The following ATF7IP variants were observed in gnomAD, a reference collection of about 807,000 sequenced individuals.
The protein encoded by ATF7IP is activating transcription factor 7 interacting protein, also known as activating transcription factor 7-interacting protein 1.
Under a neutral mutation model 106.4 loss-of-function variants are expected in ATF7IP, and 23 were observed. The ratio of observed to expected loss-of-function variants is 0.22; its 90% CI spans 0.16 to 0.31. ATF7IP has a LOEUF of 0.31. ATF7IP is among the 10% of genes least tolerant of loss of function. ATF7IP has a pLI of 1.00. For missense variants in ATF7IP, 1,334 were observed against 1,524.3 expected, an observed-to-expected ratio of 0.88 and a Z score of 2.08; for synonymous variants, 542 against 539.0, an observed-to-expected ratio of 1.01 and a Z score of -0.08.
chr12:14,488,458 C>T (rs1944699650), intron 13 of ATF7IP, among the ~76,000 whole-genome samples: 1 of 152,112 alleles, frequency 6.6e-6, no homozygotes, highest in African/African-American at 2.4e-5. Flanking sequence ...CTCTCCTTTT[C>T]ACGTTTTTCT....
At chr12:14,436,296 A>T in intron 4 of ATF7IP, 45 bp downstream of exon 4, 1 of 1,513,440 alleles carries the variant, frequency 6.6e-7, no homozygotes. Context: ...AATAAATAGC[A>T]CCACTATCTT....
At chr12:14,399,193 T>C (rs1290147493) in intron 1 of ATF7IP, among the ~76,000 whole-genome samples, 3 of 152,174 alleles carry the variant, frequency 2.0e-5, no homozygotes, top group Non-Finnish European at 2.9e-5. Context: ...TACTTATATT[T>C]ATATATAATC....
chr12:14,382,567 A>G (rs1939042480), intron 1 of ATF7IP, among the ~76,000 whole-genome samples: 1 of 152,214 alleles, frequency 6.6e-6, no homozygotes, highest in Non-Finnish European at 1.5e-5. Context: ...AGATGTTTTT[A>G]GGCCAAGACT....
In ATF7IP at chr12:14,446,989, C is replaced by G; in HGVS notation, c.1931C>G (p.Ala644Gly). ...RHKTVLTELQ[A>G]KIARLTKRFE... is the part of the protein sequence containing the mutation. ...TTTTGTCTTTTTTTTTTTTTTCAGG[C>G]CAAGATAGCCAGGTTAACCAAACGC... The change falls in exon 6 of 15, where the codon GCC (alanine) becomes GGC (glycine). Residue 644 changes from alanine to glycine, a missense_variant and splice_region_variant. Transcript: ENST00000261168. 1 of 1,477,464 alleles carries G rather than the reference C, an allele frequency of 6.8e-7. No homozygotes were observed. Among genetic ancestry groups the G allele is most frequent in the Non-Finnish European group, 9.0e-7 (1 of 1,111,348 alleles). 91.5% of individuals were successfully genotyped at this position (1,477,464 alleles called of 1,614,324 possible).
At chr12:14,476,132 G>C in intron 11 of ATF7IP, 164 bp downstream of exon 11, 1 of 587,022 alleles carries the variant, frequency 1.7e-6, no homozygotes. Context: ...AATTTGGCCA[G>C]GTGCAGTGTC....
At chr12:14,429,001 C>G (rs1273815842) in intron 2 of ATF7IP, among the ~76,000 whole-genome samples, 1 of 152,146 alleles carries the variant, frequency 6.6e-6, no homozygotes, top group East Asian at 1.9e-4. Context: ...TGGGAAAGTT[C>G]AAACACTAGA....
chr12:14,446,927 T>A (rs1055129060), intron 5 of ATF7IP, 61 bp from the exon 6 acceptor site: 1 of 1,260,386 alleles, frequency 7.9e-7, no homozygotes, highest in Non-Finnish European at 1.1e-6. Flanking sequence ...CATGGTTTTT[T>A]TTTTTAATGC....
At chr12:14,447,961 GC>G in intron 6 of ATF7IP, among the ~76,000 whole-genome samples, 1 of 151,912 alleles carries the variant, frequency 6.6e-6, no homozygotes, top group East Asian at 1.9e-4. Context: ...TTATCATTTT[GC>G]CACTCTTCTG....
chr12:14,447,057 A>G lies in ATF7IP; in HGVS notation c.1995+4A>G. The G allele has an allele frequency of 6.3e-7, 1 of 1,589,154 alleles. No homozygotes were observed. The highest frequency in any genetic ancestry group is 1.2e-5 in the South Asian group (1 of 85,812). On this transcript the variant is annotated splice_donor_region_variant and intron_variant, in intron 6 of 14. Coordinates refer to ENST00000261168, the MANE Select transcript of ATF7IP (RefSeq NM_018179.5). ...AGATCTTAAGAAAAGACATGAAGTA[A>G]AATTTTTCTATTCTTGCATAATTAA...
intron 5 of ATF7IP, among the ~76,000 whole-genome samples, chr12:14,441,489 T>A (rs1003366715): frequency 4.9e-5 from 7 of 144,044 alleles, no homozygotes; most frequent in African/African-American, 1.8e-4. Context: ...ACCAAAGTCT[T>A]TTTTTTTTTT....
At position 14,499,993 on chromosome 12, in the gene ATF7IP, G is replaced by A. The variant is rs1945121414; in HGVS notation, c.*1920G>A. 5 of 152,206 alleles carry A rather than the reference G, an allele frequency of 3.3e-5. No homozygotes were observed. Among genetic ancestry groups the A allele is most frequent in the Admixed American group, 2.6e-4 (4 of 15,282 alleles). The allele number at this position is 152,206 out of a possible 1,614,324, so 9.4% of individuals were successfully genotyped here. A position where few individuals can be genotyped will look rare whatever the true frequency, so the allele number is the denominator to read the frequency against. ...CTGGTGTCAGGTAGGTGTTTTGGGT[G>A]TAGATAATTTAGGACTGGAGGGCTG... is the stretch of plus-strand genomic sequence containing the variant. On this transcript the variant is annotated 3_prime_UTR_variant, in exon 15 of 15. Coordinates refer to ENST00000261168, the MANE Select transcript of ATF7IP (RefSeq NM_018179.5).
intron 1 of ATF7IP, among the ~76,000 whole-genome samples, chr12:14,392,630 T>C (rs1199103172): frequency 1.3e-5 from 2 of 152,106 alleles, no homozygotes; most frequent in Admixed American, 6.5e-5. Context: ...ACACAGACAA[T>C]AAATATGAGA....
At chr12:14,401,297 A>G (rs1285090701) in intron 1 of ATF7IP, among the ~76,000 whole-genome samples, 1 of 151,702 alleles carries the variant, frequency 6.6e-6, no homozygotes, top group Non-Finnish European at 1.5e-5. Context: ...CTGGGGTTCA[A>G]GTGATTCTCC....
chr12:14,490,844 G>A (rs905284509), intron 13 of ATF7IP, among the ~76,000 whole-genome samples: 4 of 152,148 alleles, frequency 2.6e-5, no homozygotes, highest in African/African-American at 4.8e-5. Flanking sequence ...GAATGCTGCT[G>A]TGCATGACCC....
intron 13 of ATF7IP, among the ~76,000 whole-genome samples, chr12:14,489,782 C>T (rs944107952): frequency 1.1e-4 from 17 of 152,192 alleles, no homozygotes; most frequent in Non-Finnish European, 2.5e-4. Flanking sequence ...CACTGCTGCA[C>T]TTACTCAGCC....
chr12:14,420,184 A>G (rs1207003154), intron 1 of ATF7IP: 1 of 152,204 alleles, frequency 6.6e-6, no homozygotes, highest in Non-Finnish European at 1.5e-5. Context: ...TGAGTATAGT[A>G]TAGGTTGGGT....
chr12:14,460,626 A>T lies in ATF7IP; in HGVS notation c.2290A>T (p.Thr764Ser), dbSNP rs774754166. Reference sequence around the variant, plus strand: ...ACCCAATACAGCTACTGTAGTTGCTACTACTCAGGTGCCTAGTGGAAATCC... The same window carrying T: ...ACCCAATACAGCTACTGTAGTTGCTTCTACTCAGGTGCCTAGTGGAAATCC... ...PAPNTATVVA[T>S]TQVPSGNPQP... Residue 764 changes from threonine (T) to serine (S), a missense_variant, in exon 9 of 15, where the codon ACT becomes TCT. Transcript: ENST00000261168. 9.9e-6 allele frequency: 16 copies of T among 1,614,194 alleles called. No individual in the cohort carries two copies. The South Asian group carries it at 1.5e-4, about 16-fold the overall frequency.
rs190631573 is a variant in ATF7IP at position 14,366,597 on chromosome 12, A to G, written c.-8+770A>G. ...AGTAAATAAAGTTTTAATTTTAATC[A>G]GTTTGTATGTTTCTGGGCATTTGAA... On this transcript the variant is annotated intron_variant, in intron 1 of 14. Transcript: ENST00000261168. 2.1e-4 allele frequency among the ~76,000 whole-genome samples: 32 copies of G among 152,296 alleles called. 1 individual carries two copies. The highest frequency in any genetic ancestry group is 1.9e-3 in the Admixed American group (29 of 15,302).
chr12:14,418,083 GA>G, intron 1 of ATF7IP, among the ~76,000 whole-genome samples: 1 of 152,042 alleles, frequency 6.6e-6, no homozygotes, highest in Non-Finnish European at 1.5e-5. Context: ...ATTTAAAGAA[GA>G]AGCTCGTTGG....
Sources: allele counts gnomAD v4.1 joint callset (sites outside exome capture counted in the v4.1 genomes callset), GRCh38; gene constraint gnomAD v4.1.1; transcripts MANE v1.5; gene names NCBI Gene and HGNC (gene_info 2026-07-23, HGNC 2026-07-21).